The following GALNT17 variants were observed in gnomAD, a reference collection of about 807,000 sequenced individuals.
GALNT17 encodes the protein UDP-GalNAc:polypeptide N-acetylgalactosaminyltransferase-like 3.
Under a neutral mutation model 63.7 loss-of-function variants are expected in GALNT17, and 29 were observed. The observed-to-expected ratio is 0.46, with a 90% CI of 0.34 to 0.62. GALNT17 has a LOEUF of 0.62. Ranked by LOEUF, GALNT17 falls within the 20% of genes least tolerant of loss-of-function variation. GALNT17 has a pLI of 0.01. For synonymous variants in GALNT17, 305 were observed against 318.3 expected, an observed-to-expected ratio of 0.96 and a Z score of 0.45; for missense variants, 603 against 799.6, an observed-to-expected ratio of 0.75 and a Z score of 2.97.
intron 6 of GALNT17, among the ~76,000 whole-genome samples, chr7:71,574,297 A>G (rs1339347486): frequency 1.3e-5 from 2 of 152,172 alleles, no homozygotes; most frequent in Admixed American, 6.5e-5. Context: ...GTCCCTGCAG[A>G]GCCCAGTCTG....
At chr7:71,407,825 A>G (rs558366190) in intron 3 of GALNT17, among the ~76,000 whole-genome samples, 2 of 152,176 alleles carry the variant, frequency 1.3e-5, no homozygotes, top group South Asian at 4.1e-4. Context: ...AAGACCACAT[A>G]TTTTACGACT....
At chr7:71,451,270 C>T (rs1031064901) in intron 5 of GALNT17, among the ~76,000 whole-genome samples, 3 of 152,162 alleles carry the variant, frequency 2.0e-5, no homozygotes, top group Non-Finnish European at 2.9e-5. Flanking sequence ...CTATAATACC[C>T]TCTGGGTCTA....
chr7:71,287,269 T>C (rs1254644368), intron 1 of GALNT17, among the ~76,000 whole-genome samples: 3 of 152,068 alleles, frequency 2.0e-5, no homozygotes, highest in Admixed American at 6.5e-5. Flanking sequence ...TTTTGTATTT[T>C]TGTAGAGATG....
intron 9 of GALNT17, among the ~76,000 whole-genome samples, chr7:71,698,447 C>A (rs1157999522): frequency 6.6e-6 from 1 of 152,038 alleles, no homozygotes; most frequent in African/African-American, 2.4e-5. Context: ...AAATACTGAA[C>A]TATTAGAAGG....
intron 5 of GALNT17, among the ~76,000 whole-genome samples, chr7:71,486,387 ATAG>A (rs1176237881): frequency 1.4e-5 from 2 of 139,400 alleles, no homozygotes; most frequent in African/African-American, 5.4e-5. Flanking sequence ...AATAATAATA[ATAG>A]TAAATAATAT....
chr7:71,358,764 C>CTTTTCT (rs949836737), intron 2 of GALNT17, among the ~76,000 whole-genome samples: 6 of 151,832 alleles, frequency 4.0e-5, no homozygotes, highest in Non-Finnish European at 8.8e-5. Flanking sequence ...TTTTTCTTTT[C>CTTTTCT]TTTTCTTTTT....
intron 5 of GALNT17, among the ~76,000 whole-genome samples, chr7:71,487,333 C>T (rs530010158): frequency 1.1e-3 from 173 of 152,224 alleles, no homozygotes; most frequent in African/African-American, 4.0e-3. Flanking sequence ...GTTCTTAATC[C>T]TTCCTCGGCT....
intron 1 of GALNT17, among the ~76,000 whole-genome samples, chr7:71,199,889 G>C (rs1471649862): frequency 6.6e-6 from 1 of 152,158 alleles, no homozygotes; most frequent in Non-Finnish European, 1.5e-5. Context: ...TCCTCAAGGG[G>C]TTTATGGTAC....
intron 1 of GALNT17, among the ~76,000 whole-genome samples, chr7:71,270,820 C>G (rs1337059100): frequency 6.6e-6 from 1 of 151,604 alleles, no homozygotes; most frequent in Non-Finnish European, 1.5e-5. Flanking sequence ...TTCCCTCCCA[C>G]AGTCTGAAGT....
Position 71,421,016 on chromosome 7 carries a change from G to A in GALNT17, c.873G>A (p.Ser291=), listed in dbSNP as rs376148000. The A allele has an allele frequency of 5.6e-6, 9 of 1,614,116 alleles. No individual in the cohort carries two copies. The highest frequency in any genetic ancestry group is 4.4e-5 in the South Asian group (4 of 91,082). The part of the protein sequence containing the change: ...DNFEVQRYEN[S]AHGYSWELWC... The stretch of plus-strand genomic sequence containing the variant: ...TTGAGGTGCAGCGGTACGAGAACTC[G>A]GCCCACGGGTACAGCTGGGAGCTGT... The change falls in exon 5 of 11, where the codon TCG becomes TCA. Residue 291 remains serine, a synonymous_variant. Transcript: ENST00000333538.
intron 1 of GALNT17, among the ~76,000 whole-genome samples, chr7:71,183,329 C>T: frequency 6.6e-6 from 1 of 152,148 alleles, no homozygotes; most frequent in East Asian, 1.9e-4. Context: ...CACTCCTGAG[C>T]AGAGCCCACT....
At chr7:71,256,324 C>T (rs1790289272) in intron 1 of GALNT17, among the ~76,000 whole-genome samples, 1 of 152,204 alleles carries the variant, frequency 6.6e-6, no homozygotes, top group Non-Finnish European at 1.5e-5. Flanking sequence ...GTCATCCCAG[C>T]ACTTTGGGAG....
chr7:71,530,406 G>A (rs1261419931), intron 5 of GALNT17, among the ~76,000 whole-genome samples: 1 of 152,124 alleles, frequency 6.6e-6, no homozygotes, highest in Non-Finnish European at 1.5e-5. Context: ...TAGGAGATAA[G>A]TACTCATTTT....
chr7:71,474,117 G>A (rs1399763064), intron 5 of GALNT17, among the ~76,000 whole-genome samples: 3 of 152,144 alleles, frequency 2.0e-5, no homozygotes, highest in South Asian at 2.1e-4. Context: ...GCCATATAGG[G>A]TAACTTCTGG....
chr7:71,668,767 A>T (rs1289700592), intron 7 of GALNT17, among the ~76,000 whole-genome samples: 1 of 152,012 alleles, frequency 6.6e-6, no homozygotes, highest in South Asian at 2.1e-4. Context: ...GCAGAGTCAT[A>T]TTTCAGATAC....
chr7:71,436,764 C>G (rs1366217633), intron 5 of GALNT17, among the ~76,000 whole-genome samples: 10 of 151,996 alleles, frequency 6.6e-5, no homozygotes, highest in Admixed American at 1.3e-4. Flanking sequence ...ATCCATGTTT[C>G]CACACTTTCG....
intron 6 of GALNT17, among the ~76,000 whole-genome samples, chr7:71,583,302 G>A (rs894998655): frequency 6.6e-6 from 1 of 152,164 alleles, no homozygotes; most frequent in Non-Finnish European, 1.5e-5. Context: ...CACCGTGTTA[G>A]CCAGGATGGT....
intron 5 of GALNT17, among the ~76,000 whole-genome samples, chr7:71,536,983 G>T (rs144666947): frequency 6.6e-6 from 1 of 152,066 alleles, no homozygotes; most frequent in Non-Finnish European, 1.5e-5. Context: ...CATACCATGC[G>T]CATTCAAACC....
At chr7:71,482,449 G>A (rs574170483) in intron 5 of GALNT17, among the ~76,000 whole-genome samples, 9 of 152,100 alleles carry the variant, frequency 5.9e-5, no homozygotes, top group Admixed American at 4.6e-4. Context: ...TGCACCTGCC[G>A]ACAGGGATAC....
Sources: gnomAD v4.1 joint callset for allele counts (sites outside exome capture counted in the v4.1 genomes callset) on GRCh38, gnomAD v4.1.1 for gene constraint, MANE v1.5 for transcripts, NCBI Gene and HGNC (gene_info 2026-07-23, HGNC 2026-07-21) for gene names.